The following GRIP2 variants were observed in gnomAD, a reference collection of about 807,000 sequenced individuals.
GRIP2 encodes glutamate receptor interacting protein 2.
GRIP2 carries 58 observed loss-of-function variants against 108.3 expected under a neutral mutation model. The observed-to-expected ratio is 0.54, with a 90% CI of 0.43 to 0.67. The LOEUF is 0.67. Ranked by LOEUF, GRIP2 falls within the 30% of genes least tolerant of loss-of-function variation. The pLI is 0.00. For synonymous variants in GRIP2, 586 were observed against 598.2 expected (o/e 0.98, Z 0.30); for missense variants, 1,278 against 1,430.6 (o/e 0.89, Z 1.72).
At chr3:14,551,029 G>A (rs140052105) in intron 1 of GRIP2, among the ~76,000 whole-genome samples, 143 of 152,322 alleles carry the variant, frequency 9.4e-4, no homozygotes, top group African/African-American at 3.2e-3. Context: ...TGAGCGGGAG[G>A]GGGGAGGCAG....
chr3:14,542,761 G>T (rs998788507), upstream of GRIP2, among the ~76,000 whole-genome samples: 15 of 152,292 alleles, frequency 9.8e-5, no homozygotes, highest in Non-Finnish European at 1.9e-4. Flanking sequence ...ATTTTCATTT[G>T]ATTTTATCCA....
chr3:14,598,908 C>G, the GRIP2 span, among the ~76,000 whole-genome samples: 1 of 152,178 alleles, frequency 6.6e-6, no homozygotes, highest in Non-Finnish European at 1.5e-5. Flanking sequence ...GGCCTTCTCA[C>G]TCTTTAGTGC....
chr3:14,587,479 C>T, the GRIP2 span, among the ~76,000 whole-genome samples: 5 of 151,774 alleles, frequency 3.3e-5, no homozygotes, highest in Admixed American at 6.6e-5. Context: ...TCTCTACTTA[C>T]AATACAAAAA....
At chr3:14,542,279 T>C (rs1694989139), upstream of GRIP2, among the ~76,000 whole-genome samples, 1 of 152,040 alleles carries the variant, frequency 6.6e-6, no homozygotes, top group Admixed American at 6.6e-5. Context: ...TCAGCCTCCC[T>C]GGTATCTGGG....
chr3:14,590,785 A>G, the GRIP2 span, among the ~76,000 whole-genome samples: 1 of 152,372 alleles, frequency 6.6e-6, no homozygotes, highest in East Asian at 1.9e-4. Flanking sequence ...GATTAAGTGT[A>G]TAAAGGGGCT....
At chr3:14,587,653 A>C in the GRIP2 span, among the ~76,000 whole-genome samples, 3 of 151,894 alleles carry the variant, frequency 2.0e-5, no homozygotes, top group Admixed American at 2.0e-4. Flanking sequence ...AAAAAAAAAA[A>C]AACAAAACAA....
the GRIP2 span, chr3:14,572,720 G>C: frequency 2.7e-5 from 13 of 479,370 alleles, no homozygotes; most frequent in Non-Finnish European, 4.6e-5. Flanking sequence ...AGGCACAAGA[G>C]TTCTGTCTTC....
chr3:14,585,273 G>A, the GRIP2 span, among the ~76,000 whole-genome samples: 3,509 of 152,286 alleles, frequency 0.023, 153 homozygotes, highest in African/African-American at 0.076. Flanking sequence ...CACCTGCCTC[G>A]GCCTCCCAAA....
intron 17 of GRIP2, 39 bp downstream of exon 17, chr3:14,509,781 C>T: frequency 7.2e-7 from 1 of 1,397,476 alleles, no homozygotes; most frequent in Non-Finnish European, 9.4e-7. Flanking sequence ...TCCTGTGTTC[C>T]CTGAGCCCAC....
At chr3:14,504,007 G>A in intron 20 of GRIP2, 2 of 326,108 alleles carry the variant, frequency 6.1e-6, no homozygotes, top group South Asian at 6.9e-5. Context: ...GAGATCCATG[G>A]TGTAGTCCCA....
chr3:14,503,874 G>T, intron 20 of GRIP2: 2 of 586,100 alleles, frequency 3.4e-6, no homozygotes, highest in East Asian at 5.7e-5. Flanking sequence ...GAAAGACGCA[G>T]TTAGGGGCGA....
At chr3:14,558,574 C>T (rs571452514), upstream of GRIP2, among the ~76,000 whole-genome samples, 9 of 152,252 alleles carry the variant, frequency 5.9e-5, no homozygotes, top group South Asian at 4.2e-4. Flanking sequence ...TCCCAGGGTG[C>T]GGGAGAGGCA....
rs747046369 is a variant in GRIP2 at position 14,523,074 on chromosome 3, T to G, written c.492A>C (p.Gly164=). ...ACTTGTGCCCATCTTCATGGGCACC[T>G]CCTGGACAGGATTTGACAAGAAGCA... is the stretch of plus-strand genomic sequence containing the variant. The part of the protein sequence containing the change: ...EGNSFGFVLR[G]GAHEDGHKSR... The change falls in exon 6 of 24, where the codon GGA becomes GGC. Residue 164 remains glycine (G), a splice_region_variant and synonymous_variant. Coordinates refer to ENST00000621039, the MANE Select transcript of GRIP2 (RefSeq NM_001080423.4). 3 of 1,601,254 alleles carry G rather than the reference T, an allele frequency of 1.9e-6. No homozygotes were observed. The highest frequency in any genetic ancestry group is 1.7e-6 in the Non-Finnish European group (2 of 1,171,714).
chr3:14,518,703 C>G (rs375851143), intron 9 of GRIP2, among the ~76,000 whole-genome samples: 1 of 152,206 alleles, frequency 6.6e-6, no homozygotes, highest in East Asian at 1.9e-4. Context: ...TCTCCTTGAG[C>G]CACATCTCCA....
At chr3:14,528,148 T>C (rs1243716749) in intron 1 of GRIP2, among the ~76,000 whole-genome samples, 1 of 152,200 alleles carries the variant, frequency 6.6e-6, no homozygotes, top group East Asian at 1.9e-4. Flanking sequence ...GTCATGTAAG[T>C]AGAATCACTC....
Position 14,520,494 on chromosome 3 carries a change from G to C in GRIP2, c.756C>G (p.Val252=), listed in dbSNP as rs976465610. The C allele has an allele frequency of 6.8e-6, 11 of 1,613,866 alleles. No homozygotes were observed. The highest frequency in any genetic ancestry group is 9.3e-6 in the Non-Finnish European group (11 of 1,179,892). The change falls in exon 8 of 24, where the codon GTC becomes GTG. Residue 252 remains valine, a synonymous_variant. Transcript: ENST00000621039. ...NASGPLMVEI[V]KTPGSALGIS... is the part of the protein sequence containing the mutation. Reference sequence around the variant, plus strand: ...TCCCCAGGGCAGACCCTGGCGTCTTGACTATTTCCACCATCAAGGGTCCCG... The same window carrying C: ...TCCCCAGGGCAGACCCTGGCGTCTTCACTATTTCCACCATCAAGGGTCCCG...
chr3:14,529,071 C>G (rs111717469), intron 1 of GRIP2, among the ~76,000 whole-genome samples: 6,744 of 150,714 alleles, frequency 0.045, 220 homozygotes, highest in East Asian at 0.15. Context: ...GAGATCAAAA[C>G]CATCCTGGCT....
At chr3:14,560,458 C>CTG (rs1695301363), upstream of GRIP2, among the ~76,000 whole-genome samples, 1 of 152,156 alleles carries the variant, frequency 6.6e-6, no homozygotes, top group African/African-American at 2.4e-5. Context: ...TCCAGGAGAG[C>CTG]CTTGACCCAA....
chr3:14,579,345 G>A, the GRIP2 span, among the ~76,000 whole-genome samples: 6 of 152,194 alleles, frequency 3.9e-5, no homozygotes, highest in Admixed American at 3.3e-4. Flanking sequence ...GTATACACTT[G>A]TCAAAACGTA....
Sources: allele counts gnomAD v4.1 joint callset (sites outside exome capture counted in the v4.1 genomes callset), GRCh38; gene constraint gnomAD v4.1.1; transcripts MANE v1.5; gene names NCBI Gene and HGNC (gene_info 2026-07-23, HGNC 2026-07-21).